NDUFV2: variants seen among roughly 807,000 people sequenced by gnomAD.
The protein encoded by NDUFV2 is NADH dehydrogenase [ubiquinone] flavoprotein 2, mitochondrial.
NDUFV2 carries 18 observed loss-of-function variants against 31.6 expected under a neutral mutation model. The ratio of observed to expected loss-of-function variants is 0.57; its 90% CI spans 0.39 to 0.84. The LOEUF (loss-of-function observed/expected upper bound fraction) is 0.84, where lower values mean the gene tolerates loss of function less well. Ranked by LOEUF, NDUFV2 falls within the 40% of genes least tolerant of loss-of-function variation. NDUFV2 has a pLI of 0.00. For synonymous variants in NDUFV2, 83 were observed against 99.8 expected (o/e 0.83, Z 1.01); for missense variants, 314 against 303.6 (o/e 1.03, Z -0.26).
chr18:9,122,825 AC>A, intron 5 of NDUFV2, 144 bp downstream of exon 5: 1 of 800,184 alleles, frequency 1.2e-6, no homozygotes. Flanking sequence ...CTGTGTTTCC[AC>A]ATCTTTATTT....
At chr18:9,117,437 T>C (rs1277427949) in intron 1 of NDUFV2, 1 of 225,220 alleles carries the variant, frequency 4.4e-6, no homozygotes, top group East Asian at 1.0e-4. Flanking sequence ...ATGACTCATT[T>C]GTACAGAATG....
chr18:9,105,082 C>A, intron 1 of NDUFV2: 7 of 1,202,444 alleles, frequency 5.8e-6, no homozygotes, highest in South Asian at 2.4e-5. Flanking sequence ...ACATAGCATT[C>A]CATTGTGAGG....
chr18:9,130,430 T>A (rs2078030153), intron 7 of NDUFV2, among the ~76,000 whole-genome samples: 1 of 152,242 alleles, frequency 6.6e-6, no homozygotes, highest in Non-Finnish European at 1.5e-5. Context: ...CGAATCTCTT[T>A]TTTTACTTAC....
intron 1 of NDUFV2, among the ~76,000 whole-genome samples, chr18:9,106,786 T>C (rs78329787): frequency 0.011 from 1,707 of 152,338 alleles, 41 homozygotes; most frequent in African/African-American, 0.04. Flanking sequence ...CATTCCTTTT[T>C]GGAGGCTCTA....
At chr18:9,104,071 CA>C in intron 1 of NDUFV2, 5 of 1,410,720 alleles carry the variant, frequency 3.5e-6, no homozygotes, top group Non-Finnish European at 4.9e-6. Flanking sequence ...TAGGGTCATC[CA>C]ATGTGGTTTC....
At chr18:9,129,636 G>T (rs956783603) in intron 7 of NDUFV2, among the ~76,000 whole-genome samples, 2 of 152,150 alleles carry the variant, frequency 1.3e-5, no homozygotes, top group Non-Finnish European at 2.9e-5. Flanking sequence ...CCTGAATGAA[G>T]AGCTAGAGGG....
intron 1 of NDUFV2, among the ~76,000 whole-genome samples, chr18:9,116,149 C>T (rs1050469410): frequency 1.3e-5 from 2 of 152,120 alleles, no homozygotes; most frequent in Non-Finnish European, 2.9e-5. Flanking sequence ...CTCTTGTCAT[C>T]AAATGTGTGT....
At chr18:9,104,193 G>A in intron 1 of NDUFV2, 1 of 1,612,046 alleles carries the variant, frequency 6.2e-7, no homozygotes, top group South Asian at 1.1e-5. Flanking sequence ...AAAAAGATCG[G>A]TATGTATGAG....
At chr18:9,128,605 C>T (rs1036986669) in intron 7 of NDUFV2, among the ~76,000 whole-genome samples, 1 of 152,148 alleles carries the variant, frequency 6.6e-6, no homozygotes, top group Non-Finnish European at 1.5e-5. Context: ...AACCTTTAGT[C>T]ATCTATCATT....
chr18:9,124,270 A>G (rs768562948), intron 5 of NDUFV2, among the ~76,000 whole-genome samples: 52 of 149,460 alleles, frequency 3.5e-4, no homozygotes, highest in Admixed American at 8.6e-4. Context: ...ACTGTAAAAA[A>G]TTTTTACTAC....
At chr18:9,104,094 G>C in intron 1 of NDUFV2, 1 of 1,585,546 alleles carries the variant, frequency 6.3e-7, no homozygotes, top group South Asian at 1.1e-5. Context: ...AGGTGCATAA[G>C]ATTTTTCCTG....
Position 9,126,875 on chromosome 18 carries a change from C to G in NDUFV2, c.624C>G (p.Leu208=). 1.2e-6 allele frequency: 2 copies of G among 1,613,882 alleles called. No homozygotes were observed. The highest frequency in any genetic ancestry group is 8.5e-7 in the Non-Finnish European group (1 of 1,179,922). ...ATATTGAAGAAATTATTGATGAGCT[C>G]AAGGCTGGCAAAATCCCAAAACCAG... The part of the protein sequence containing the change: ...AKDIEEIIDE[L]KAGKIPKPGP... Residue 208 remains leucine, a synonymous_variant, in exon 7 of 8, where the codon CTC becomes CTG. Coordinates refer to ENST00000318388, the MANE Select transcript of NDUFV2 (RefSeq NM_021074.5).
intron 2 of NDUFV2, 75 bp downstream of exon 2, chr18:9,117,978 T>C: frequency 1.1e-6 from 1 of 943,618 alleles, no homozygotes; most frequent in South Asian, 1.3e-5. Flanking sequence ...AAATCCAAAA[T>C]ATCTTAAATA....
chr18:9,116,661 T>C (rs2077899778), intron 1 of NDUFV2, among the ~76,000 whole-genome samples: 1 of 152,254 alleles, frequency 6.6e-6, no homozygotes, highest in Non-Finnish European at 1.5e-5. Context: ...AAAGCAGATG[T>C]TCCATGTAAA....
chr18:9,128,481 A>G (rs1474220269), intron 7 of NDUFV2, among the ~76,000 whole-genome samples: 1 of 152,198 alleles, frequency 6.6e-6, no homozygotes, highest in East Asian at 1.9e-4. Flanking sequence ...TTGCTTAAAG[A>G]GTGTTGGCAT....
In NDUFV2 at chr18:9,134,223, A is replaced by C. The variant is rs534384070; in HGVS notation, c.694A>C (p.Thr232Pro). ...RFSCEPAGGL[T>P]SLTEPPKGPG... ...CTCTTGTGAGCCAGCTGGAGGTCTTACCTCTTTGACTGAACCACCCAAGGG... is the reference window on the plus strand; with the variant it reads ...CTCTTGTGAGCCAGCTGGAGGTCTTCCCTCTTTGACTGAACCACCCAAGGG... The change falls in exon 8 of 8, where the codon ACC (threonine) becomes CCC (proline). Residue 232 changes from threonine (T) to proline (P), a missense_variant. Transcript: ENST00000318388. 9.9e-6 allele frequency: 16 copies of C among 1,613,334 alleles called. No homozygotes were observed. The East Asian group carries it at 2.7e-4, about 27-fold the overall frequency.
At chr18:9,113,381 C>G (rs549372031) in intron 1 of NDUFV2, among the ~76,000 whole-genome samples, 17 of 152,274 alleles carry the variant, frequency 1.1e-4, no homozygotes, top group African/African-American at 3.9e-4. Context: ...TATTGACTTT[C>G]TTAAGAACTT....
intron 7 of NDUFV2, among the ~76,000 whole-genome samples, chr18:9,127,596 C>T (rs1006064824): frequency 1.3e-5 from 2 of 152,116 alleles, no homozygotes; most frequent in African/African-American, 2.4e-5. Context: ...CTCAGCCTCC[C>T]GAGTAGCTGG....
chr18:9,133,086 C>T (rs1388679725), intron 7 of NDUFV2, among the ~76,000 whole-genome samples: 1 of 152,034 alleles, frequency 6.6e-6, no homozygotes, highest in Non-Finnish European at 1.5e-5. Flanking sequence ...TACTTAGTAA[C>T]TTGTATTATA....
Sources: gnomAD v4.1 joint callset for allele counts (sites outside exome capture counted in the v4.1 genomes callset) on GRCh38, gnomAD v4.1.1 for gene constraint, MANE v1.5 for transcripts, NCBI Gene and HGNC (gene_info 2026-07-23, HGNC 2026-07-21) for gene names.